MICU1: variants seen among roughly 807,000 people sequenced by gnomAD.
The protein encoded by MICU1 is mitochondrial calcium uptake 1.
In MICU1, 45 loss-of-function variants were observed where a neutral mutation model predicts 56.8. The ratio of observed to expected loss-of-function variants is 0.79; its 90% confidence interval spans 0.62 to 1.02. The LOEUF (loss-of-function observed/expected upper bound fraction) is 1.02. Among genes scored for constraint, MICU1 ranks in the 50% least tolerant of loss-of-function variants. The probability of loss-of-function intolerance (pLI) is 0.00; values close to 1 mark genes in which losing one functional copy is unlikely to be tolerated. For synonymous variants in MICU1, 186 were observed against 195.1 expected (o/e 0.95, Z 0.39); for missense variants, 504 against 587.1 (o/e 0.86, Z 1.46).
intron 8 of MICU1, among the ~76,000 whole-genome samples, chr10:72,456,839 C>T (rs887677695): frequency 7.0e-6 from 1 of 142,188 alleles, no homozygotes; most frequent in Non-Finnish European, 1.5e-5. Flanking sequence ...ACCACCATGC[C>T]GGGCTCATTT....
chr10:72,546,290 C>T (rs1839892217), intron 4 of MICU1, among the ~76,000 whole-genome samples: 1 of 152,158 alleles, frequency 6.6e-6, no homozygotes, highest in South Asian at 2.1e-4. Context: ...AAAGCTGCCT[C>T]CTTATATATT....
chr10:72,604,108 T>C (rs528661836), intron 1 of MICU1, among the ~76,000 whole-genome samples: 10 of 152,250 alleles, frequency 6.6e-5, no homozygotes, highest in Middle Eastern at 3.4e-3. Flanking sequence ...TCTCTTCCTA[T>C]ATACATAAAA....
At chr10:72,589,620 C>A (rs1841166518) in intron 1 of MICU1, among the ~76,000 whole-genome samples, 1 of 110,998 alleles carries the variant, frequency 9.0e-6, no homozygotes, top group Non-Finnish European at 2.6e-5. Flanking sequence ...GGGAATAGCC[C>A]TATAAGACAT....
intron 1 of MICU1, among the ~76,000 whole-genome samples, chr10:72,619,145 TA>T (rs1842044256): frequency 6.6e-6 from 1 of 151,886 alleles, no homozygotes; most frequent in African/African-American, 2.4e-5. Context: ...TTCTGACTTT[TA>T]AAACAAATGA....
intron 6 of MICU1, among the ~76,000 whole-genome samples, chr10:72,492,973 C>T (rs1389416761): frequency 2.7e-5 from 4 of 145,484 alleles, no homozygotes; most frequent in East Asian, 2.1e-4. Flanking sequence ...AAAAATTAGC[C>T]GGGCATGGTG....
intron 8 of MICU1, among the ~76,000 whole-genome samples, chr10:72,473,900 G>A (rs780563332): frequency 6.6e-6 from 1 of 152,080 alleles, no homozygotes; most frequent in Non-Finnish European, 1.5e-5. Context: ...ATTTTCACCT[G>A]TTTTAGTTAT....
intron 8 of MICU1, among the ~76,000 whole-genome samples, chr10:72,444,107 T>C (rs1331440704): frequency 2.6e-5 from 4 of 151,116 alleles, no homozygotes; most frequent in Admixed American, 1.3e-4. Context: ...TCATTCTCAG[T>C]AAACTATCGC....
intron 9 of MICU1, among the ~76,000 whole-genome samples, chr10:72,411,512 T>C (rs145173085): frequency 0.041 from 6,287 of 151,942 alleles, 431 homozygotes; most frequent in African/African-American, 0.14. Flanking sequence ...TATTTTTTTT[T>C]AGTAGAGATG....
intron 1 of MICU1, among the ~76,000 whole-genome samples, chr10:72,586,159 G>A (rs1841054105): frequency 6.6e-6 from 1 of 150,990 alleles, no homozygotes; most frequent in South Asian, 2.1e-4. Context: ...GACTACAGGT[G>A]CACACCACCA....
At chr10:72,483,914 T>C (rs1451795902) in intron 6 of MICU1, 3 of 152,226 alleles carry the variant, frequency 2.0e-5, no homozygotes, top group Non-Finnish European at 2.9e-5. Context: ...AAAGACACTG[T>C]GTTATTCAAT....
At chr10:72,511,795 T>C (rs10823933) in intron 5 of MICU1, among the ~76,000 whole-genome samples, 95,253 of 152,068 alleles carry the variant, frequency 0.63, 31,352 homozygotes, top group African/African-American at 0.72. Flanking sequence ...AATACACTTT[T>C]CTGAAGTCGA....
intron 1 of MICU1, among the ~76,000 whole-genome samples, chr10:72,587,961 T>G (rs7896365): frequency 0.54 from 82,121 of 151,950 alleles, 23,434 homozygotes; most frequent in Non-Finnish European, 0.64. Flanking sequence ...CTTGTTAATC[T>G]GATTTTTGTT....
chr10:72,418,429 C>A (rs1864054674), intron 9 of MICU1, among the ~76,000 whole-genome samples: 1 of 152,130 alleles, frequency 6.6e-6, no homozygotes, highest in Non-Finnish European at 1.5e-5. Context: ...TTAGGAGAAA[C>A]AGCACTTTCT....
intron 5 of MICU1, among the ~76,000 whole-genome samples, chr10:72,523,616 T>C (rs1404611026): frequency 6.6e-6 from 1 of 152,216 alleles, no homozygotes; most frequent in Non-Finnish European, 1.5e-5. Flanking sequence ...ATATTAGTTA[T>C]TTTAAACCAA....
chr10:72,462,673 G>A (rs1393623229), intron 8 of MICU1, among the ~76,000 whole-genome samples: 1 of 152,052 alleles, frequency 6.6e-6, no homozygotes, highest in Non-Finnish European at 1.5e-5. Flanking sequence ...GTGGTACCTT[G>A]AATATTCTGT....
chr10:72,607,767 G>A (rs1841732476), intron 1 of MICU1, among the ~76,000 whole-genome samples: 1 of 152,138 alleles, frequency 6.6e-6, no homozygotes, highest in Non-Finnish European at 1.5e-5. Context: ...CAGTGAGGTT[G>A]GACAGAACTG....
chr10:72,405,793 G>A (rs1318332568), intron 10 of MICU1, among the ~76,000 whole-genome samples: 1 of 151,926 alleles, frequency 6.6e-6, no homozygotes, highest in Non-Finnish European at 1.5e-5. Context: ...CAAAATACAG[G>A]AGCCATTGAT....
At chr10:72,477,834 C>T (rs763408380) in intron 6 of MICU1, among the ~76,000 whole-genome samples, 2 of 151,752 alleles carry the variant, frequency 1.3e-5, no homozygotes, top group Non-Finnish European at 2.9e-5. Flanking sequence ...TATGGTAAGG[C>T]AGAAAAGTAC....
Position 72,568,531 on chromosome 10 carries a change from A to C in MICU1, c.-1-1737T>G, listed in dbSNP as rs1449420349. On this transcript the variant is annotated intron_variant, in intron 1 of 11. Coordinates refer to ENST00000361114, the MANE Select transcript of MICU1 (RefSeq NM_001195518.2). ...AGGGAAGACCATGTCCCAAAGAGACACTGATCCTTCAAACTGGCATCCATA... is the reference window on the plus strand; with the variant it reads ...AGGGAAGACCATGTCCCAAAGAGACCCTGATCCTTCAAACTGGCATCCATA... Among the ~76,000 whole-genome samples the C allele has an allele frequency of 2.0e-5, 3 of 152,130 alleles. No individual in the cohort carries two copies. In the East Asian group the frequency reaches 5.8e-4, roughly 29 times the overall value.
Sources: allele counts gnomAD v4.1 joint callset (sites outside exome capture counted in the v4.1 genomes callset), GRCh38; gene constraint gnomAD v4.1.1; transcripts MANE v1.5; gene names NCBI Gene and HGNC (gene_info 2026-07-23, HGNC 2026-07-21).